EXPH5: variants seen among roughly 807,000 people sequenced by gnomAD.
EXPH5 encodes the protein exophilin 5, also known as exophilin-5.
Under a neutral mutation model 41.1 loss-of-function variants are expected in EXPH5, and 42 were observed. That is an observed-to-expected ratio of 1.02 (90% confidence interval 0.80 to 1.32). EXPH5 has a LOEUF of 1.32. Ranked by LOEUF, EXPH5 falls within the 40% of genes most tolerant of loss-of-function variation. The pLI is 0.00. For missense variants in EXPH5, 2,298 were observed against 2,314.5 expected (o/e 0.99, Z 0.15); for synonymous variants, 798 against 833.5 (o/e 0.96, Z 0.73).
At chr11:108,531,027 A>G (rs1258753618) in intron 3 of EXPH5, among the ~76,000 whole-genome samples, 2 of 152,138 alleles carry the variant, frequency 1.3e-5, no homozygotes, top group African/African-American at 2.4e-5. Context: ...CTATGCTGGT[A>G]AAAGGCCCCT....
Position 108,559,296 on chromosome 11 carries a change from C to T in EXPH5, c.120-17484G>A, listed in dbSNP as rs547283277. ...TTAGCTTTTGCGTCCCTCTTATTCC[C>T]CTTTATACAGATGCTCAGACATCTT... On this transcript the variant is annotated intron_variant, in intron 1 of 5. Transcript: ENST00000265843. 2.6e-5 allele frequency among the ~76,000 whole-genome samples: 4 copies of T among 152,262 alleles called. No homozygotes were observed. In the East Asian group the frequency reaches 7.7e-4, roughly 29 times the overall value.
intron 1 of EXPH5, among the ~76,000 whole-genome samples, chr11:108,591,169 C>T (rs1299170756): frequency 6.6e-6 from 1 of 152,196 alleles, no homozygotes; most frequent in Non-Finnish European, 1.5e-5. Flanking sequence ...TGAAGCATCT[C>T]TTTTTTGTTG....
chr11:108,523,308 A>G (rs971707189), intron 4 of EXPH5, among the ~76,000 whole-genome samples: 3 of 152,196 alleles, frequency 2.0e-5, no homozygotes, highest in Non-Finnish European at 2.9e-5. Flanking sequence ...TCAGATGAGG[A>G]AACTGTATCT....
At chr11:108,565,490 A>G (rs1408381226) in intron 1 of EXPH5, among the ~76,000 whole-genome samples, 1 of 152,146 alleles carries the variant, frequency 6.6e-6, no homozygotes, top group Non-Finnish European at 1.5e-5. Flanking sequence ...GCCTTTCTTC[A>G]AGTTGCACGA....
At chr11:108,605,843 C>T in the EXPH5 span, among the ~76,000 whole-genome samples, 1 of 152,224 alleles carries the variant, frequency 6.6e-6, no homozygotes, top group Admixed American at 6.5e-5. Flanking sequence ...ACTGCAGAAC[C>T]TCCCCACCAA....
chr11:108,546,651 A>G (rs1004644574), intron 1 of EXPH5, among the ~76,000 whole-genome samples: 5 of 152,092 alleles, frequency 3.3e-5, no homozygotes, highest in Non-Finnish European at 7.3e-5. Context: ...CTTTAACATC[A>G]CTCATCTTCA....
Position 108,511,230 on chromosome 11 carries a change from C to T in EXPH5, c.4277G>A (p.Ser1426Asn), listed in dbSNP as rs773136704. The stretch of plus-strand genomic sequence containing the variant: ...ATTAACTTCTGAAAGAGCTGGAAGA[C>T]TAGAGGGACCACTGTTACTTGAATT... Reference protein sequence around the residue: ...SINSSNSGPSSLPALSEVNIG... With the variant: ...SINSSNSGPSNLPALSEVNIG... The change falls in exon 6 of 6, where the codon AGT (serine) becomes AAT (asparagine). Residue 1426 changes from serine (S) to asparagine (N), a missense_variant. By Grantham distance (46) the Ser-to-Asn change is conservative. Coordinates refer to ENST00000265843, the MANE Select transcript of EXPH5 (RefSeq NM_015065.3). 2.5e-6 allele frequency: 4 copies of T among 1,611,728 alleles called. No individual in the cohort carries two copies. The South Asian group carries it at 4.4e-5, about 18-fold the overall frequency.
intron 4 of EXPH5, among the ~76,000 whole-genome samples, chr11:108,526,875 A>T (rs1424810904): frequency 6.6e-6 from 1 of 152,168 alleles, no homozygotes; most frequent in Non-Finnish European, 1.5e-5. Flanking sequence ...CTGGGGATTA[A>T]ACGAAATGAT....
chr11:108,553,363 T>C (rs1308983606), intron 1 of EXPH5, among the ~76,000 whole-genome samples: 1 of 152,200 alleles, frequency 6.6e-6, no homozygotes, highest in South Asian at 2.1e-4. Context: ...TCACCAATAG[T>C]CACCCTTTAC....
intron 4 of EXPH5, among the ~76,000 whole-genome samples, chr11:108,520,621 T>C (rs1007573852): frequency 6.6e-6 from 1 of 152,124 alleles, no homozygotes; most frequent in Non-Finnish European, 1.5e-5. Flanking sequence ...CAGGCTGGAG[T>C]GCAGTGGCGC....
chr11:108,540,851 A>G (rs1344577113), intron 2 of EXPH5, among the ~76,000 whole-genome samples: 1 of 150,520 alleles, frequency 6.6e-6, no homozygotes, highest in Non-Finnish European at 1.5e-5. Context: ...CTCCCCCTGC[A>G]TCATAGTCAT....
Position 108,505,508 on chromosome 11 carries a change from A to G in EXPH5, c.*4029T>C, listed in dbSNP as rs1466975446. On this transcript the variant is annotated 3_prime_UTR_variant, in exon 6 of 6. Transcript: ENST00000265843. ...CTTGTCTTTAACACATTTCATAACC[A>G]GAGAACAGGTCTGAGAACAAGTACA... 1 of 152,248 alleles carries G rather than the reference A, an allele frequency of 6.6e-6. No individual in the cohort carries two copies. The highest frequency in any genetic ancestry group is 1.9e-4 in the East Asian group (1 of 5,206). The allele number at this position is 152,248 out of a possible 1,614,324, so 9.4% of individuals were successfully genotyped here.
At chr11:108,603,975 G>A in the EXPH5 span, among the ~76,000 whole-genome samples, 909 of 152,284 alleles carry the variant, frequency 6.0e-3, 10 homozygotes, top group African/African-American at 0.02. Flanking sequence ...ATAACAGGCT[G>A]TTATTCACGA....
rs768345129 is a variant in EXPH5, at chr11:108,511,221, G to C, written c.4286C>G (p.Ala1429Gly). The change falls in exon 6 of 6, where the codon GCT (alanine) becomes GGT (glycine). Residue 1429 changes from alanine to glycine, a missense_variant. By Grantham distance (60) the Ala-to-Gly change is moderately conservative. Transcript: ENST00000265843. ...SSNSGPSSLP[A>G]LSEVNIGNSQ... ...ATTTCCAATATTAACTTCTGAAAGA[G>C]CTGGAAGACTAGAGGGACCACTGTT... 1.1e-5 allele frequency: 17 copies of C among 1,613,326 alleles called. No homozygotes were observed. The East Asian group carries it at 1.3e-4, about 13-fold the overall frequency.
At chr11:108,548,633 A>G (rs760471682) in intron 1 of EXPH5, among the ~76,000 whole-genome samples, 8 of 152,206 alleles carry the variant, frequency 5.3e-5, no homozygotes, top group Non-Finnish European at 1.2e-4. Flanking sequence ...CTTTGATGTA[A>G]GGGTGACCCA....
chr11:108,529,895 T>C (rs1478140860), intron 3 of EXPH5, among the ~76,000 whole-genome samples: 1 of 151,056 alleles, frequency 6.6e-6, no homozygotes, highest in Admixed American at 6.6e-5. Context: ...GAGCTCTGTA[T>C]GAAATCAGGC....
chr11:108,587,421 A>G (rs2094116422), intron 1 of EXPH5, among the ~76,000 whole-genome samples: 1 of 152,184 alleles, frequency 6.6e-6, no homozygotes, highest in East Asian at 1.9e-4. Context: ...TGTATTGCCT[A>G]TAGCAGTAAG....
At position 108,512,934 on chromosome 11, in the gene EXPH5, T is replaced by C; in HGVS notation, c.2573A>G (p.Asn858Ser). ...HWSSALTDTQ[N>S]AQYSKCKLTP... Reference sequence around the variant, plus strand: ...TAACTTGCATTTTGAGTATTGTGCATTTTGAGTATCAGTCAGTGCAGAGCT... The same window carrying C: ...TAACTTGCATTTTGAGTATTGTGCACTTTGAGTATCAGTCAGTGCAGAGCT... The change falls in exon 6 of 6, where the codon AAT becomes AGT. Residue 858 changes from asparagine to serine, a missense_variant. Coordinates refer to ENST00000265843, the MANE Select transcript of EXPH5 (RefSeq NM_015065.3). The C allele has an allele frequency of 1.9e-6, 3 of 1,613,216 alleles. No individual in the cohort carries two copies. Among genetic ancestry groups the C allele is most frequent in the Non-Finnish European group, 1.7e-6 (2 of 1,179,626 alleles).
intron 1 of EXPH5, among the ~76,000 whole-genome samples, chr11:108,545,014 ATT>A (rs57345072): frequency 6.7e-6 from 1 of 148,258 alleles, no homozygotes; most frequent in Non-Finnish European, 1.5e-5. Context: ...CTTTTCCATT[ATT>A]TTTTTTTTGG....
Sources: gnomAD v4.1 joint callset for allele counts (sites outside exome capture counted in the v4.1 genomes callset) on GRCh38, gnomAD v4.1.1 for gene constraint, MANE v1.5 for transcripts, NCBI Gene and HGNC (gene_info 2026-07-23, HGNC 2026-07-21) for gene names.